LHFPL6: variants seen among roughly 807,000 people sequenced by gnomAD.
LHFPL6 encodes the protein LHFPL tetraspan subfamily member 6, also known as LHFPL tetraspan subfamily member 6 protein.
In LHFPL6, 9 loss-of-function variants were observed where a neutral mutation model predicts 20.6. That is an observed-to-expected ratio of 0.44 (90% CI 0.26 to 0.76). The LOEUF (loss-of-function observed/expected upper bound fraction) is 0.76, where lower values mean the gene tolerates loss of function less well. Ranked by LOEUF, LHFPL6 falls within the 30% of genes least tolerant of loss-of-function variation. The pLI is 0.20. For missense variants in LHFPL6, 218 were observed against 253.5 expected (o/e 0.86, Z 0.95); for synonymous variants, 105 against 98.7 (o/e 1.06, Z -0.38).
In LHFPL6 at chr13:39,356,067, T is replaced by C. The variant is rs138824365; in HGVS notation, c.485-12013A>G. Among the ~76,000 whole-genome samples, 7 of 152,320 alleles carry C rather than the reference T, an allele frequency of 4.6e-5. No individual in the cohort carries two copies. The East Asian group carries it at 1.2e-3, about 25-fold the overall frequency. On this transcript the variant is annotated intron_variant, in intron 3 of 3. Coordinates refer to ENST00000379589, the MANE Select transcript of LHFPL6 (RefSeq NM_005780.3). ...GACACCTGCAGAATATTCCACTTAA[T>C]GCACATTATTTTCATCTGTGCAAGG...
At chr13:39,419,687 A>T (rs1871431652) in intron 2 of LHFPL6, among the ~76,000 whole-genome samples, 3 of 152,128 alleles carry the variant, frequency 2.0e-5, no homozygotes, top group Admixed American at 6.5e-5. Context: ...AGATGAAGAA[A>T]TTTTTTTAAA....
At chr13:39,412,937 A>G (rs938659611) in intron 2 of LHFPL6, among the ~76,000 whole-genome samples, 3 of 146,836 alleles carry the variant, frequency 2.0e-5, no homozygotes, top group Non-Finnish European at 3.0e-5. Context: ...AAAAAAAAAG[A>G]AAAAAATTGT....
chr13:39,575,883 T>G (rs554178545), intron 2 of LHFPL6, among the ~76,000 whole-genome samples: 1 of 152,338 alleles, frequency 6.6e-6, no homozygotes, highest in South Asian at 2.1e-4. Flanking sequence ...TTATCTGTGC[T>G]GACACGTCTG....
chr13:39,504,177 GT>G (rs1869390626), intron 2 of LHFPL6, among the ~76,000 whole-genome samples: 2 of 152,130 alleles, frequency 1.3e-5, no homozygotes, highest in African/African-American at 4.8e-5. Context: ...ACAGAATAAT[GT>G]TTTAAAGCAT....
intron 2 of LHFPL6, among the ~76,000 whole-genome samples, chr13:39,384,359 A>T (rs1593293184): frequency 6.6e-6 from 1 of 152,206 alleles, no homozygotes; most frequent in African/African-American, 2.4e-5. Flanking sequence ...GATACTTCAA[A>T]TGTTAACTAA....
At chr13:39,432,160 G>A (rs1460734766) in intron 2 of LHFPL6, among the ~76,000 whole-genome samples, 1 of 152,078 alleles carries the variant, frequency 6.6e-6, no homozygotes, top group Non-Finnish European at 1.5e-5. Flanking sequence ...CTTGATTTTG[G>A]ACTTCCCAGC....
intron 2 of LHFPL6, among the ~76,000 whole-genome samples, chr13:39,379,768 C>T (rs1423603979): frequency 6.6e-6 from 1 of 152,214 alleles, no homozygotes; most frequent in East Asian, 1.9e-4. Context: ...CCCTCACCCC[C>T]ACACCCATCC....
At chr13:39,526,467 T>C (rs1870290797) in intron 2 of LHFPL6, among the ~76,000 whole-genome samples, 1 of 152,244 alleles carries the variant, frequency 6.6e-6, no homozygotes, top group Admixed American at 6.5e-5. Context: ...ATAATCATGA[T>C]TTTAAAATAT....
intron 2 of LHFPL6, among the ~76,000 whole-genome samples, chr13:39,474,035 G>A (rs1221423248): frequency 1.3e-5 from 2 of 152,190 alleles, no homozygotes; most frequent in East Asian, 3.9e-4. Flanking sequence ...ATTCAATACA[G>A]TCATTGATTC....
intron 2 of LHFPL6, among the ~76,000 whole-genome samples, chr13:39,409,821 T>C (rs1184537781): frequency 4.6e-5 from 7 of 152,294 alleles, no homozygotes; most frequent in Non-Finnish European, 1.5e-5. Context: ...AAGAAACAAT[T>C]CCAAAATAAA....
At chr13:39,481,594 G>A (rs772250614) in intron 2 of LHFPL6, among the ~76,000 whole-genome samples, 8 of 152,120 alleles carry the variant, frequency 5.3e-5, no homozygotes, top group Non-Finnish European at 1.2e-4. Context: ...ACATGAAGAT[G>A]TAAGGACATA....
chr13:39,362,681 G>A (rs1254395117), intron 3 of LHFPL6, among the ~76,000 whole-genome samples: 2 of 152,182 alleles, frequency 1.3e-5, no homozygotes, highest in Non-Finnish European at 2.9e-5. Context: ...GCTCTGTTAA[G>A]CACAGCACAC....
rs547864448 is a variant in LHFPL6 at position 39,571,451 on chromosome 13, C to G, written c.385+29381G>C. Among the ~76,000 whole-genome samples the G allele has an allele frequency of 2.0e-5, 3 of 152,326 alleles. No homozygotes were observed. In the South Asian group the frequency reaches 6.2e-4, roughly 32 times the overall value. On this transcript the variant is annotated intron_variant, in intron 2 of 3. Transcript: ENST00000379589. ...CTCAGTCAGTAGAGGAGGAGACGAC[C>G]TGACTTCAGGGAGGTGACAGCCTGA...
At chr13:39,453,956 G>T (rs1049588464) in intron 2 of LHFPL6, among the ~76,000 whole-genome samples, 6 of 152,176 alleles carry the variant, frequency 3.9e-5, no homozygotes, top group Non-Finnish European at 8.8e-5. Flanking sequence ...GGTTTTGAGT[G>T]TATACGTGGA....
At chr13:39,563,091 A>AACACACACACACACACACACACACAC (rs60324329) in intron 2 of LHFPL6, among the ~76,000 whole-genome samples, 1 of 135,772 alleles carries the variant, frequency 7.4e-6, no homozygotes, top group Non-Finnish European at 1.6e-5. Flanking sequence ...CAATACTAGA[A>AACACACACACACACACACACACACAC]ACACACACAC....
intron 2 of LHFPL6, among the ~76,000 whole-genome samples, chr13:39,594,319 C>T (rs1247617251): frequency 6.6e-6 from 1 of 152,216 alleles, no homozygotes; most frequent in Non-Finnish European, 1.5e-5. Flanking sequence ...CATGAACAGA[C>T]ACTTCTCAAA....
At chr13:39,525,320 A>C (rs1021859094) in intron 2 of LHFPL6, among the ~76,000 whole-genome samples, 3 of 152,202 alleles carry the variant, frequency 2.0e-5, no homozygotes, top group Non-Finnish European at 2.9e-5. Flanking sequence ...AGGCTTCAAT[A>C]ATGAAAAGCA....
At chr13:39,476,276 T>C (rs1873081626) in intron 2 of LHFPL6, among the ~76,000 whole-genome samples, 1 of 152,222 alleles carries the variant, frequency 6.6e-6, no homozygotes, top group Non-Finnish European at 1.5e-5. Context: ...GCGATCCTCC[T>C]GCCTTGGCCT....
chr13:39,553,669 G>A lies in LHFPL6; in HGVS notation c.385+47163C>T, dbSNP rs575967897. Among the ~76,000 whole-genome samples the A allele has an allele frequency of 4.6e-5, 7 of 152,306 alleles. No homozygotes were observed. In the South Asian group the frequency reaches 8.3e-4, roughly 18 times the overall value. ...TGAGGCTGCAGTGAACTATGATTGC[G>A]CCACTGCGCTACAGCCTGGGTGACA... On this transcript the variant is annotated intron_variant, in intron 2 of 3. Coordinates refer to ENST00000379589, the MANE Select transcript of LHFPL6 (RefSeq NM_005780.3).
Sources: allele counts gnomAD v4.1 joint callset (sites outside exome capture counted in the v4.1 genomes callset), GRCh38; gene constraint gnomAD v4.1.1; transcripts MANE v1.5; gene names NCBI Gene and HGNC (gene_info 2026-07-23, HGNC 2026-07-21).